PDGFA: variants seen among roughly 807,000 people sequenced by gnomAD.
PDGFA encodes the protein platelet derived growth factor subunit A, also known as platelet-derived growth factor subunit A.
Under a neutral mutation model 25.6 loss-of-function variants are expected in PDGFA, and 9 were observed. The ratio of observed to expected loss-of-function variants is 0.35; its 90% confidence interval spans 0.21 to 0.61. The LOEUF (loss-of-function observed/expected upper bound fraction) is 0.61, where lower values mean the gene tolerates loss of function less well. PDGFA is among the 20% of genes least tolerant of loss of function. PDGFA has a pLI of 0.75. For missense variants in PDGFA, 242 were observed against 272.8 expected, an observed-to-expected ratio of 0.89 and a Z score of 0.79; for synonymous variants, 133 against 111.8, an observed-to-expected ratio of 1.19 and a Z score of -1.20.
chr7:499,477 GGCCAGACAGGGCTCCAACTTTCCCAA>G (rs985591086), intron 5 of PDGFA, among the ~76,000 whole-genome samples: 15 of 152,234 alleles, frequency 9.9e-5, no homozygotes, highest in African/African-American at 3.4e-4. Flanking sequence ...GGGGGAACCA[GGCCAGACAGGGCTCCAACTTTCCCAA>G]GCCAGACGGG....
rs543523885 is a variant in PDGFA, at chr7:506,864, T to C, written c.453+3945A>G. Among the ~76,000 whole-genome samples, 36 of 152,260 alleles carry C rather than the reference T, an allele frequency of 2.4e-4. 1 individual carries two copies. In the South Asian group the frequency reaches 7.3e-3, roughly 31 times the overall value. On this transcript the variant is annotated intron_variant, in intron 4 of 5. Transcript: ENST00000402802. ...AGTGACACTCCCAGCTTCACTACCA[T>C]CCATCTTCTAACAAGAGACCTCTGA...
chr7:506,786 C>A (rs1236892425), intron 4 of PDGFA, among the ~76,000 whole-genome samples: 1 of 152,204 alleles, frequency 6.6e-6, no homozygotes, highest in Non-Finnish European at 1.5e-5. Flanking sequence ...GTCACTCCCC[C>A]AGGGCTGCCG....
rs771329582 is a variant in PDGFA, at chr7:511,294, GGGAGAGGGGAACTTAGTC to G, written c.266-316_266-299del. On this transcript the variant is annotated intron_variant, in intron 3 of 5. Coordinates refer to ENST00000402802, the Ensembl canonical transcript of PDGFA. Reference sequence around the variant, plus strand: ...CAGGTGGGGCCAGTGGCTGGGGGTGGGGAGAGGGGAACTTAGTCCAGGTGGGGCCAGAGACTGGGGGTG... The same window carrying G: ...CAGGTGGGGCCAGTGGCTGGGGGTGGCAGGTGGGGCCAGAGACTGGGGGTG... Among the ~76,000 whole-genome samples the G allele has an allele frequency of 4.9e-3, 423 of 86,848 alleles. 2 individuals carry two copies. Among genetic ancestry groups the G allele is most frequent in the Non-Finnish European group, 6.3e-3 (299 of 47,750 alleles). 57.0% of individuals were successfully genotyped at this position (86,848 alleles called of 152,430 possible). A position where few individuals can be genotyped will look rare whatever the true frequency, so the allele number is the denominator to read the frequency against.
chr7:503,481 C>A (rs1327435528), intron 4 of PDGFA, among the ~76,000 whole-genome samples: 1 of 151,972 alleles, frequency 6.6e-6, no homozygotes, highest in Admixed American at 6.5e-5. Flanking sequence ...AGGCCAGATG[C>A]CCCCAGCCCA....
At chr7:498,311 T>A (rs1005804705) in exon 6 of PDGFA, 2 of 505,902 alleles carry the variant, frequency 4.0e-6, no homozygotes, top group Non-Finnish European at 7.0e-6. Context: ...GGTTTTGTTT[T>A]CTCTCTCTCT....
At position 509,163 on chromosome 7, in the gene PDGFA, C is replaced by T. The variant is rs143128607; in HGVS notation, c.453+1646G>A. On this transcript the variant is annotated intron_variant, in intron 4 of 5. Coordinates refer to ENST00000402802, the Ensembl canonical transcript of PDGFA. The stretch of plus-strand genomic sequence containing the variant: ...CACCCGGGTGCTGTTCCTCCCCCAG[C>T]GCAACCCCAGGGAGGAAGGCCCTGC... Among the ~76,000 whole-genome samples the T allele has an allele frequency of 5.9e-5, 9 of 152,278 alleles. No individual in the cohort carries two copies. In the East Asian group the frequency reaches 9.7e-4, roughly 16 times the overall value.
Position 500,085 on chromosome 7 carries a change from G to A in PDGFA, c.580+1031C>T, listed in dbSNP as rs980151937. Among the ~76,000 whole-genome samples, 3 of 152,206 alleles carry A rather than the reference G, an allele frequency of 2.0e-5. No homozygotes were observed. Among genetic ancestry groups the A allele is most frequent in the Admixed American group, 6.5e-5 (1 of 15,290 alleles). On this transcript the variant is annotated intron_variant, in intron 5 of 5. Transcript: ENST00000402802. This position sits in a 1 kb window ranked among gnomAD's most constrained non-coding sequence, Gnocchi z 5.0. ...TCAGTTTTTTCATCTGTCAAATGGGGTGGGTGATCCCAGAGTGGCCAGGCG... is the reference window on the plus strand; with the variant it reads ...TCAGTTTTTTCATCTGTCAAATGGGATGGGTGATCCCAGAGTGGCCAGGCG...
At chr7:512,617 A>T in intron 2 of PDGFA, 162 bp from the exon 3 acceptor site, 1 of 1,537,580 alleles carries the variant, frequency 6.5e-7, no homozygotes, top group Non-Finnish European at 8.7e-7. Flanking sequence ...CCTCCAGGAG[A>T]ACCTCGATTC....
Position 511,217 on chromosome 7 carries a change from G to C in PDGFA, c.266-221C>G, listed in dbSNP as rs576452839. ...AGCCCAGCCCGGTGCCTGCAGGCTGGAGGGACCTGGACAGGTGGGGCCAGT... is the reference window on the plus strand; with the variant it reads ...AGCCCAGCCCGGTGCCTGCAGGCTGCAGGGACCTGGACAGGTGGGGCCAGT... On this transcript the variant is annotated intron_variant, in intron 3 of 5. Transcript: ENST00000402802. 2.7e-3 allele frequency among the ~76,000 whole-genome samples: 405 copies of C among 151,578 alleles called. 2 individuals are homozygous for C. The highest frequency in any genetic ancestry group is 3.8e-3 in the Non-Finnish European group (261 of 67,890).
At chr7:516,366 C>A (rs1179798240) in intron 2 of PDGFA, among the ~76,000 whole-genome samples, 1 of 152,084 alleles carries the variant, frequency 6.6e-6, no homozygotes, top group Admixed American at 6.6e-5. Context: ...ATGACTAGAC[C>A]ATGTGATTTC....
intron 2 of PDGFA, among the ~76,000 whole-genome samples, chr7:515,484 T>G (rs933309564): frequency 6.6e-6 from 1 of 152,192 alleles, no homozygotes. Flanking sequence ...GGTTCTGTTT[T>G]CAGCCACACC....
In PDGFA at chr7:500,623, C is replaced by T. The variant is rs973487041; in HGVS notation, c.580+493G>A. On this transcript the variant is annotated intron_variant, in intron 5 of 5. Transcript: ENST00000402802. The surrounding 1 kb of genome is among the most constrained non-coding windows in gnomAD (Gnocchi z 5.0). ...GAAGAGAAGGCCAGCACCCTGGCAC[C>T]GAGAAACTTCTGAGTCCCCTCATGC... 6.0e-6 allele frequency: 9 copies of T among 1,510,812 alleles called. No homozygotes were observed. The highest frequency in any genetic ancestry group is 5.6e-5 in the African/African-American group (4 of 71,666). 93.6% of individuals were successfully genotyped at this position (1,510,812 alleles called of 1,614,324 possible). A position where few individuals can be genotyped will look rare whatever the true frequency, so the allele number is the denominator to read the frequency against.
At chr7:519,916 C>G (rs1765676041), upstream of PDGFA, 1 of 36,954 alleles carries the variant, frequency 2.7e-5, no homozygotes, top group South Asian at 1.7e-3. Context: ...CCGCCCCCGC[C>G]CCCCCCCCCC....
At chr7:515,753 AG>A (rs954811000) in intron 2 of PDGFA, among the ~76,000 whole-genome samples, 38 of 127,874 alleles carry the variant, frequency 3.0e-4, no homozygotes, top group African/African-American at 1.0e-3. Flanking sequence ...GGACTAGCTT[AG>A]GGGCATCCTT....
intron 4 of PDGFA, 115 bp from the exon 5 acceptor site, chr7:501,357 C>T (rs1782331521): frequency 7.7e-6 from 10 of 1,303,438 alleles, no homozygotes; most frequent in Non-Finnish European, 1.1e-5. Flanking sequence ...GACCCCTGAC[C>T]TCCTCCCAGA....
rs367707809 is a variant in PDGFA at position 517,030 on chromosome 7, C to T, written c.160+364G>A. Reference sequence around the variant, plus strand: ...CTCGCTCCGCGGGCTGCCCGCCCGGCGCACGGGCCAGGGCTCTGCGCCCAG... The same window carrying T: ...CTCGCTCCGCGGGCTGCCCGCCCGGTGCACGGGCCAGGGCTCTGCGCCCAG... On this transcript the variant is annotated intron_variant, in intron 2 of 5. Transcript: ENST00000402802. This position sits in a 1 kb window ranked among gnomAD's most constrained non-coding sequence, Gnocchi z 7.4. 4.6e-5 allele frequency among the ~76,000 whole-genome samples: 7 copies of T among 151,254 alleles called. No individual in the cohort carries two copies. Among genetic ancestry groups the T allele is most frequent in the South Asian group, 2.1e-4 (1 of 4,826 alleles).
rs267601541 is a variant in PDGFA, at chr7:510,820, G to A, written c.442C>T (p.Arg148Cys). The A allele has an allele frequency of 1.9e-6, 3 of 1,583,748 alleles. No individual in the cohort carries two copies. Among genetic ancestry groups the A allele is most frequent in the Non-Finnish European group, 2.6e-6 (3 of 1,167,084 alleles). ...AGGGGAGGGCTCACCTTGACGCTGC[G>A]GTGGTGGACGCGGGAGGGCTGGCAC... is the stretch of plus-strand genomic sequence containing the variant. Residue 148 changes from arginine to cysteine, a missense_variant, in exon 4 of 6, where the codon CGC becomes TGC. Transcript: ENST00000402802.
intron 4 of PDGFA, among the ~76,000 whole-genome samples, chr7:510,263 G>A (rs1782740512): frequency 6.6e-6 from 1 of 151,996 alleles, no homozygotes; most frequent in Non-Finnish European, 1.5e-5. Flanking sequence ...GCACCCCCAG[G>A]TGCTCCTTCT....
intron 4 of PDGFA, among the ~76,000 whole-genome samples, chr7:503,652 C>T (rs1378100158): frequency 1.3e-5 from 2 of 152,164 alleles, no homozygotes; most frequent in East Asian, 1.9e-4. Context: ...AGGCAGGCTC[C>T]GAAGGTAAGC....
Sources: allele counts gnomAD v4.1 joint callset (sites outside exome capture counted in the v4.1 genomes callset), GRCh38; gene constraint gnomAD v4.1.1; non-coding constraint Gnocchi (gnomAD v3.1); transcripts MANE v1.5; gene names NCBI Gene and HGNC (gene_info 2026-07-23, HGNC 2026-07-21).